Variants in PRELID2 observed in about 807,000 individuals in gnomAD.
PRELID2 encodes the protein PRELI domain-containing protein 2.
PRELID2 carries 25 observed loss-of-function variants against 28.4 expected under a neutral mutation model. The observed-to-expected ratio is 0.88, with a 90% CI of 0.64 to 1.23. The LOEUF (loss-of-function observed/expected upper bound fraction) is 1.23. Among genes scored for constraint, PRELID2 ranks in the 50% most tolerant of loss-of-function variants. PRELID2 has a pLI of 0.00. For missense variants in PRELID2, 201 were observed against 214.4 expected, an observed-to-expected ratio of 0.94 and a Z score of 0.39; for synonymous variants, 76 against 71.6, an observed-to-expected ratio of 1.06 and a Z score of -0.31.
At chr5:145,777,824 G>T (rs1488708291) in intron 5 of PRELID2, among the ~76,000 whole-genome samples, 1 of 152,196 alleles carries the variant, frequency 6.6e-6, no homozygotes, top group Admixed American at 6.5e-5. Flanking sequence ...GGGGCCAGGG[G>T]GTGGGAAGGG....
the PRELID2 span, among the ~76,000 whole-genome samples, chr5:145,276,382 C>CAAAT: frequency 1.3e-5 from 2 of 152,120 alleles, no homozygotes; most frequent in African/African-American, 4.8e-5. Context: ...TGTTGTTTCA[C>CAAAT]ATGGTCACAG....
chr5:145,508,764 G>A (rs972567911), intron 1 of PRELID2, among the ~76,000 whole-genome samples: 1 of 152,062 alleles, frequency 6.6e-6, no homozygotes, highest in African/African-American at 2.4e-5. Flanking sequence ...AATGATGCAA[G>A]GCAAAGGAGA....
chr5:145,452,286 T>G, the PRELID2 span, among the ~76,000 whole-genome samples: 6 of 152,166 alleles, frequency 3.9e-5, no homozygotes, highest in Admixed American at 6.5e-5. Flanking sequence ...TTATAAGGTT[T>G]TTTATGATCT....
At chr5:145,561,373 G>A (rs1448809766) in intron 1 of PRELID2, among the ~76,000 whole-genome samples, 1 of 152,020 alleles carries the variant, frequency 6.6e-6, no homozygotes, top group African/African-American at 2.4e-5. Flanking sequence ...CGACAAGAAT[G>A]AGCAAGATCA....
chr5:145,595,201 C>CACACACA (rs1753288336), intron 1 of PRELID2, among the ~76,000 whole-genome samples: 1 of 150,644 alleles, frequency 6.6e-6, no homozygotes. Context: ...CACACACACA[C>CACACACA]TAGTTCAAAG....
chr5:145,326,554 A>G, the PRELID2 span, among the ~76,000 whole-genome samples: 1 of 152,224 alleles, frequency 6.6e-6, no homozygotes, highest in Non-Finnish European at 1.5e-5. Flanking sequence ...TTTTATAGTA[A>G]TAAAACAATG....
chr5:145,729,868 C>T (rs1756287757), intron 1 of PRELID2, among the ~76,000 whole-genome samples: 1 of 152,144 alleles, frequency 6.6e-6, no homozygotes, highest in Non-Finnish European at 1.5e-5. Flanking sequence ...AGTATGGAGG[C>T]TGTGAAGGCC....
chr5:145,400,328 A>G, the PRELID2 span, among the ~76,000 whole-genome samples: 3 of 151,994 alleles, frequency 2.0e-5, no homozygotes, highest in African/African-American at 7.2e-5. Flanking sequence ...CAGGCTGAGG[A>G]AAGTTCAGGA....
intron 1 of PRELID2, among the ~76,000 whole-genome samples, chr5:145,703,348 T>C (rs1178417149): frequency 6.6e-6 from 1 of 152,262 alleles, no homozygotes; most frequent in Non-Finnish European, 1.5e-5. Context: ...CTCATCTTCC[T>C]TCTGTCTCTT....
At chr5:145,430,694 G>A in the PRELID2 span, among the ~76,000 whole-genome samples, 1 of 152,128 alleles carries the variant, frequency 6.6e-6, no homozygotes, top group Non-Finnish European at 1.5e-5. Flanking sequence ...TATACCGAAT[G>A]TGGTATATAT....
At chr5:145,742,564 A>G (rs1756864916) in intron 1 of PRELID2, among the ~76,000 whole-genome samples, 1 of 150,384 alleles carries the variant, frequency 6.6e-6, no homozygotes, top group Admixed American at 6.7e-5. Context: ...ATTTAAAAGA[A>G]AACATACCAT....
the PRELID2 span, among the ~76,000 whole-genome samples, chr5:145,459,212 C>A: frequency 6.6e-6 from 1 of 152,180 alleles, no homozygotes. Context: ...CCCCTGGGAG[C>A]TGTATCCTGG....
intron 1 of PRELID2, among the ~76,000 whole-genome samples, chr5:145,713,402 C>CT (rs1349609308): frequency 7.6e-6 from 1 of 132,358 alleles, no homozygotes; most frequent in African/African-American, 2.9e-5. Context: ...TGATATCTGA[C>CT]TTTTATATAT....
the PRELID2 span, among the ~76,000 whole-genome samples, chr5:145,326,424 G>A: frequency 1.3e-5 from 2 of 152,112 alleles, no homozygotes; most frequent in Non-Finnish European, 2.9e-5. Flanking sequence ...GAAAGGTAAA[G>A]AACCTACAGT....
the PRELID2 span, among the ~76,000 whole-genome samples, chr5:145,296,739 T>C: frequency 1.3e-5 from 2 of 152,054 alleles, no homozygotes; most frequent in Admixed American, 6.6e-5. Context: ...ATGGTATTTC[T>C]AGTTCTAGAT....
chr5:145,367,561 TCAGA>T, the PRELID2 span, among the ~76,000 whole-genome samples: 1 of 152,060 alleles, frequency 6.6e-6, no homozygotes, highest in Non-Finnish European at 1.5e-5. Context: ...CATTATAGTA[TCAGA>T]CAGAGCAGTT....
intron 1 of PRELID2, among the ~76,000 whole-genome samples, chr5:145,825,764 G>A (rs1048502124): frequency 3.9e-5 from 6 of 152,184 alleles, no homozygotes; most frequent in African/African-American, 1.4e-4. Context: ...GTAGAAGAAA[G>A]TAGGGGTTTA....
At chr5:145,625,938 C>T (rs759628847) in intron 1 of PRELID2, among the ~76,000 whole-genome samples, 1 of 152,066 alleles carries the variant, frequency 6.6e-6, no homozygotes, top group Non-Finnish European at 1.5e-5. Flanking sequence ...GGAAAGAATA[C>T]CCTATTCAAT....
At chr5:145,423,175 C>T in the PRELID2 span, among the ~76,000 whole-genome samples, 1 of 151,908 alleles carries the variant, frequency 6.6e-6, no homozygotes, top group Non-Finnish European at 1.5e-5. Context: ...AACATTTTTT[C>T]CTTCATTTCC....
Sources: allele counts gnomAD v4.1 joint callset (sites outside exome capture counted in the v4.1 genomes callset), GRCh38; gene constraint gnomAD v4.1.1; transcripts MANE v1.5; gene names NCBI Gene and HGNC (gene_info 2026-07-23, HGNC 2026-07-21).